The following SLC25A12 variants were observed in gnomAD, a reference collection of about 807,000 sequenced individuals.
The protein encoded by SLC25A12 is solute carrier family 25 member 12.
Under a neutral mutation model 83.3 loss-of-function variants are expected in SLC25A12, and 32 were observed. That is an observed-to-expected ratio of 0.38 (90% CI 0.29 to 0.52). SLC25A12 has a LOEUF of 0.52. Among genes scored for constraint, SLC25A12 ranks in the 20% least tolerant of loss-of-function variants. SLC25A12 has a pLI of 0.84. For missense variants in SLC25A12, 611 were observed against 835.6 expected (o/e 0.73, Z 3.31); for synonymous variants, 267 against 291.1 (o/e 0.92, Z 0.84).
intron 15 of SLC25A12, among the ~76,000 whole-genome samples, chr2:171,789,374 G>GCA (rs1323561830): frequency 2.5e-4 from 38 of 152,172 alleles, no homozygotes; most frequent in East Asian, 9.7e-4. Flanking sequence ...GACTACAGAA[G>GCA]CCCGCCACCA....
intron 2 of SLC25A12, among the ~76,000 whole-genome samples, chr2:171,877,302 C>G (rs1464608382): frequency 6.6e-6 from 1 of 152,202 alleles, no homozygotes; most frequent in Non-Finnish European, 1.5e-5. Flanking sequence ...AAGGCTTCAA[C>G]TGACTGGAAT....
chr2:171,833,248 C>T (rs1684482514), intron 8 of SLC25A12, among the ~76,000 whole-genome samples: 1 of 152,132 alleles, frequency 6.6e-6, no homozygotes, highest in Admixed American at 6.5e-5. Flanking sequence ...GACTGTGCCC[C>T]AATCAGCATG....
At chr2:171,828,819 C>T (rs1350017353) in intron 8 of SLC25A12, among the ~76,000 whole-genome samples, 3 of 152,194 alleles carry the variant, frequency 2.0e-5, no homozygotes, top group East Asian at 3.8e-4. Flanking sequence ...AAGACAAGGC[C>T]TTCATCCAGG....
intron 8 of SLC25A12, among the ~76,000 whole-genome samples, chr2:171,830,028 G>T (rs1161872295): frequency 6.6e-6 from 1 of 152,224 alleles, no homozygotes; most frequent in African/African-American, 2.4e-5. Flanking sequence ...GGGCAAGGAG[G>T]AAAATCTAGC....
chr2:171,814,747 G>A (rs1684015701), intron 10 of SLC25A12, among the ~76,000 whole-genome samples: 1 of 152,022 alleles, frequency 6.6e-6, no homozygotes. Flanking sequence ...TGTGGTATTT[G>A]GTTTTCTGTT....
intron 2 of SLC25A12, among the ~76,000 whole-genome samples, chr2:171,884,740 A>G (rs1574007747): frequency 6.6e-6 from 1 of 150,472 alleles, no homozygotes; most frequent in Admixed American, 6.6e-5. Flanking sequence ...GCGCCATTGC[A>G]CTCCAGCCTG....
chr2:171,837,308 A>G (rs373519327), intron 5 of SLC25A12, 41 bp from the exon 6 acceptor site: 2 of 1,607,360 alleles, frequency 1.2e-6, no homozygotes, highest in Non-Finnish European at 1.7e-6. Flanking sequence ...CTGGTTAAAC[A>G]CATTCCAAGT....
intron 9 of SLC25A12, among the ~76,000 whole-genome samples, chr2:171,817,616 A>AAAAAAAC: frequency 6.6e-6 from 1 of 151,400 alleles, no homozygotes; most frequent in Non-Finnish European, 1.5e-5. Flanking sequence ...AAAAAAAAAA[A>AAAAAAAC]AAAAAAATGT....
intron 3 of SLC25A12, among the ~76,000 whole-genome samples, chr2:171,860,654 A>C (rs1446749996): frequency 6.6e-6 from 1 of 152,072 alleles, no homozygotes; most frequent in Non-Finnish European, 1.5e-5. Context: ...CTAGTAAATA[A>C]TGTGCATGCT....
intron 13 of SLC25A12, among the ~76,000 whole-genome samples, chr2:171,796,059 C>T (rs1412217567): frequency 6.6e-6 from 1 of 152,196 alleles, no homozygotes; most frequent in Non-Finnish European, 1.5e-5. Context: ...GATCCTCCCA[C>T]CTCAGCTTCC....
At chr2:171,884,078 C>A (rs1346573305) in intron 2 of SLC25A12, among the ~76,000 whole-genome samples, 1 of 146,440 alleles carries the variant, frequency 6.8e-6, no homozygotes, top group Non-Finnish European at 1.5e-5. Context: ...CAGAATCTCA[C>A]TTTTTTGGCC....
At chr2:171,852,807 C>T (rs949846081) in intron 4 of SLC25A12, 1 of 300,116 alleles carries the variant, frequency 3.3e-6, no homozygotes, top group Non-Finnish European at 6.8e-6. Context: ...ACAACAGTTT[C>T]AATATTTTCC....
chr2:171,834,536 C>T (rs1227708400), intron 7 of SLC25A12, among the ~76,000 whole-genome samples, 191 bp downstream of exon 7: 1 of 152,178 alleles, frequency 6.6e-6, no homozygotes, highest in Non-Finnish European at 1.5e-5. Context: ...GTCAAAGCCA[C>T]TTTTCCATTC....
intron 10 of SLC25A12, among the ~76,000 whole-genome samples, chr2:171,814,407 C>T (rs1684004937): frequency 6.6e-6 from 1 of 151,720 alleles, no homozygotes; most frequent in Non-Finnish European, 1.5e-5. Flanking sequence ...AACATACAAG[C>T]AGAAAAGCAA....
intron 3 of SLC25A12, among the ~76,000 whole-genome samples, chr2:171,859,130 C>T (rs368207359): frequency 1.3e-5 from 2 of 152,068 alleles, no homozygotes; most frequent in South Asian, 4.1e-4. Context: ...AATTTTAAAG[C>T]TATAGTTGAA....
At chr2:171,866,344 T>G (rs1685300632) in intron 3 of SLC25A12, among the ~76,000 whole-genome samples, 3 of 140,934 alleles carry the variant, frequency 2.1e-5, no homozygotes, top group African/African-American at 7.9e-5. Context: ...AATGAGCTGT[T>G]GGGTACACCT....
intron 4 of SLC25A12, chr2:171,852,660 A>T (rs1684957361): frequency 2.2e-6 from 1 of 455,462 alleles, no homozygotes; most frequent in Non-Finnish European, 4.4e-6. Context: ...ACAAACATGA[A>T]AACTGACCTT....
At chr2:171,807,656 T>G (rs1487313342) in intron 13 of SLC25A12, among the ~76,000 whole-genome samples, 2 of 152,242 alleles carry the variant, frequency 1.3e-5, no homozygotes, top group Non-Finnish European at 2.9e-5. Context: ...TATTTATGAT[T>G]GGCAAAGGTT....
chr2:171,817,600 C>CAAAAAAAAAAAAAAAAAAAAAAAAAAAAA (rs71013076), intron 9 of SLC25A12, among the ~76,000 whole-genome samples: 1 of 64,252 alleles, frequency 1.6e-5, no homozygotes, highest in Non-Finnish European at 2.7e-5. Flanking sequence ...GACTCTGCCT[C>CAAAAAAAAAAAAAAAAAAAAAAAAAAAAA]AAAAAAAAAA....
Sources: allele counts gnomAD v4.1 joint callset (sites outside exome capture counted in the v4.1 genomes callset), GRCh38; gene constraint gnomAD v4.1.1; transcripts MANE v1.5; gene names NCBI Gene and HGNC (gene_info 2026-07-23, HGNC 2026-07-21).